Variants in NGF observed in about 807,000 individuals in gnomAD.
NGF encodes the protein beta-nerve growth factor.
Under a neutral mutation model 12.8 loss-of-function variants are expected in NGF, and 4 were observed. That is an observed-to-expected ratio of 0.31 (90% CI 0.15 to 0.72). The LOEUF (loss-of-function observed/expected upper bound fraction) is 0.72. Ranked by LOEUF, NGF falls within the 30% of genes least tolerant of loss-of-function variation. The pLI is 0.69. For missense variants in NGF, 283 were observed against 330.8 expected, an observed-to-expected ratio of 0.86 and a Z score of 1.12; for synonymous variants, 140 against 130.0, an observed-to-expected ratio of 1.08 and a Z score of -0.52.
At chr1:115,291,329 T>C (rs1284757609) in intron 2 of NGF, among the ~76,000 whole-genome samples, 1 of 152,190 alleles carries the variant, frequency 6.6e-6, no homozygotes, top group African/African-American at 2.4e-5. Context: ...GAAAAGAACA[T>C]TCTTTTTATT....
rs1450517868 is a variant in NGF, at chr1:115,286,894, C to G, written c.-12-87G>C. The G allele has an allele frequency of 2.0e-6, 3 of 1,500,532 alleles. No homozygotes were observed. The East Asian group carries it at 6.8e-5, about 34-fold the overall frequency. 93.0% of individuals were successfully genotyped at this position (1,500,532 alleles called of 1,614,324 possible). On this transcript the variant is annotated intron_variant, in intron 2 of 2. Coordinates refer to ENST00000369512, the MANE Select transcript of NGF (RefSeq NM_002506.3). ...TCTGGGTCCCTCAGAGTTGACCTCC[C>G]AAGGGGATCACGAAGAGGTTTCATT...
chr1:115,291,694 C>T (rs1317161661), intron 2 of NGF, among the ~76,000 whole-genome samples: 2 of 152,200 alleles, frequency 1.3e-5, no homozygotes, highest in African/African-American at 4.8e-5. Context: ...GGTTCACACA[C>T]TCCAATAATA....
chr1:115,330,820 T>C (rs1421970510), intron 1 of NGF, among the ~76,000 whole-genome samples: 1 of 152,226 alleles, frequency 6.6e-6, no homozygotes, highest in East Asian at 1.9e-4. Flanking sequence ...TTTTTATTCC[T>C]AAGAATTCCT....
At position 115,328,525 on chromosome 1, in the gene NGF, C is replaced by T. The variant is rs11466069; in HGVS notation, c.-137+9679G>A. On this transcript the variant is annotated intron_variant, in intron 1 of 2. Transcript: ENST00000369512. ...ATACCAGGGGAGAAATTGAAACCCT[C>T]TGCATTGTGGCAGCCTGGAGCCTCG... 4.6e-3 allele frequency among the ~76,000 whole-genome samples: 705 copies of T among 152,348 alleles called. 7 individuals are homozygous for T. Among genetic ancestry groups the T allele is most frequent in the African/African-American group, 0.017 (686 of 41,574 alleles).
At chr1:115,337,267 G>GTTTGTT in intron 1 of NGF, among the ~76,000 whole-genome samples, 26 of 81,024 alleles carry the variant, frequency 3.2e-4, no homozygotes, top group East Asian at 1.8e-3. Flanking sequence ...TTTTGTTTTT[G>GTTTGTT]TTTTTTTTTT....
intron 1 of NGF, among the ~76,000 whole-genome samples, chr1:115,294,418 T>A (rs1414893846): frequency 6.6e-6 from 1 of 152,248 alleles, no homozygotes; most frequent in Non-Finnish European, 1.5e-5. Flanking sequence ...ACTTCTATAA[T>A]GTAATCTATG....
At chr1:115,324,043 C>T (rs938200571) in intron 1 of NGF, among the ~76,000 whole-genome samples, 1 of 152,200 alleles carries the variant, frequency 6.6e-6, no homozygotes, top group Middle Eastern at 3.2e-3. Context: ...CTCGCTTCAT[C>T]TCCCTTAAGA....
intron 1 of NGF, among the ~76,000 whole-genome samples, chr1:115,335,470 C>A: frequency 6.6e-6 from 1 of 152,304 alleles, no homozygotes; most frequent in African/African-American, 2.4e-5. Context: ...AGCCTGAGAG[C>A]TGATGGTTTG....
chr1:115,286,608 A>G lies in NGF; in HGVS notation c.188T>C (p.Val63Ala), dbSNP rs767878560. The G allele has an allele frequency of 6.2e-6, 10 of 1,614,212 alleles. No individual in the cohort carries two copies. The highest frequency in any genetic ancestry group is 5.1e-6 in the Non-Finnish European group (6 of 1,180,046). ...AGTAATGTTGCGGGTCTGCCCCGCC[A>G]CGCGTGCAGCTATCGCCGCTGCCGG... ...SAPAAAIAARVAGQTRNITVD... is the reference protein window; with the variant it reads ...SAPAAAIAARAAGQTRNITVD... The change falls in exon 3 of 3, where the codon GTG becomes GCG. Residue 63 changes from valine (V) to alanine (A), a missense_variant. Val to Ala is a moderately conservative substitution (Grantham distance 64, BLOSUM62 0). Transcript: ENST00000369512.
chr1:115,295,811 T>A (rs912267232), intron 1 of NGF, among the ~76,000 whole-genome samples: 1 of 152,144 alleles, frequency 6.6e-6, no homozygotes, highest in African/African-American at 2.4e-5. Flanking sequence ...CTTTCTCTCA[T>A]CCCAAAATTG....
At chr1:115,316,997 G>A (rs535644919) in intron 1 of NGF, among the ~76,000 whole-genome samples, 7 of 151,814 alleles carry the variant, frequency 4.6e-5, no homozygotes, top group Non-Finnish European at 1.0e-4. Flanking sequence ...AATTGTCCAT[G>A]GTATTCAAAT....
intron 1 of NGF, among the ~76,000 whole-genome samples, chr1:115,337,611 G>C (rs1655167442): frequency 6.6e-6 from 1 of 152,128 alleles, no homozygotes; most frequent in South Asian, 2.1e-4. Flanking sequence ...GACTTCCTGC[G>C]TTAACCCCCG....
chr1:115,331,448 A>G (rs1426448207), intron 1 of NGF, among the ~76,000 whole-genome samples: 1 of 152,196 alleles, frequency 6.6e-6, no homozygotes, highest in Non-Finnish European at 1.5e-5. Flanking sequence ...TATTCACAGA[A>G]TTAGTACTTC....
At chr1:115,294,941 A>G (rs745822111) in intron 1 of NGF, among the ~76,000 whole-genome samples, 9 of 152,218 alleles carry the variant, frequency 5.9e-5, no homozygotes, top group South Asian at 2.1e-4. Flanking sequence ...TTACGGATAA[A>G]TGAATGAATG....
chr1:115,321,629 T>C (rs2101048590), intron 1 of NGF, among the ~76,000 whole-genome samples: 1 of 129,236 alleles, frequency 7.7e-6, no homozygotes, highest in South Asian at 2.5e-4. Context: ...TGTGTGTGTG[T>C]CATAGCCAAG....
At position 115,286,228 on chromosome 1, in the gene NGF, G is replaced by A. The variant is rs974468762; in HGVS notation, c.568C>T (p.Arg190Trp). The A allele has an allele frequency of 3.7e-6, 6 of 1,614,094 alleles. No homozygotes were observed. Among genetic ancestry groups the A allele is most frequent in the Middle Eastern group, 1.7e-4 (1 of 6,060 alleles). Residue 190 changes from arginine to tryptophan, a missense_variant, in exon 3 of 3, where the codon CGG (arginine) becomes TGG (tryptophan). Arg to Trp is a moderately radical substitution (Grantham distance 101). Coordinates refer to ENST00000369512, the MANE Select transcript of NGF (RefSeq NM_002506.3). ...TTCCAGTGCTTTGAGTCAATGCCCCGGCACCCGCTGTCAACGGGATTTGGG... is the reference window on the plus strand; with the variant it reads ...TTCCAGTGCTTTGAGTCAATGCCCCAGCACCCGCTGTCAACGGGATTTGGG... ...RDPNPVDSGC[R>W]GIDSKHWNSY...
At chr1:115,322,211 T>C (rs765750683) in intron 1 of NGF, among the ~76,000 whole-genome samples, 30 of 152,306 alleles carry the variant, frequency 2.0e-4, no homozygotes, top group Non-Finnish European at 3.4e-4. Context: ...GCAGGGCCCA[T>C]GGCAAAAGCT....
chr1:115,293,902 C>G (rs1653784061), intron 1 of NGF, among the ~76,000 whole-genome samples, 152 bp from the exon 2 acceptor site: 1 of 152,220 alleles, frequency 6.6e-6, no homozygotes. Flanking sequence ...TAGAATTTGG[C>G]TACCAAAATT....
At chr1:115,315,717 T>TA (rs969840181) in intron 1 of NGF, among the ~76,000 whole-genome samples, 12 of 152,216 alleles carry the variant, frequency 7.9e-5, no homozygotes, top group Admixed American at 3.3e-4. Flanking sequence ...TCAAGGGCTA[T>TA]AAATGTACAT....
Sources: gnomAD v4.1 joint callset for allele counts (sites outside exome capture counted in the v4.1 genomes callset) on GRCh38, gnomAD v4.1.1 for gene constraint, MANE v1.5 for transcripts, NCBI Gene and HGNC (gene_info 2026-07-23, HGNC 2026-07-21) for gene names.